The following GPC5 variants were observed in gnomAD, a reference collection of about 807,000 sequenced individuals.
The protein encoded by GPC5 is glypican-5.
In GPC5, 47 loss-of-function variants were observed where a neutral mutation model predicts 53.9. The ratio of observed to expected loss-of-function variants is 0.87; its 90% CI spans 0.69 to 1.11. The LOEUF (loss-of-function observed/expected upper bound fraction) is 1.11. Ranked by LOEUF, GPC5 falls within the 50% of genes most tolerant of loss-of-function variation. The pLI is 0.00. For missense variants in GPC5, 748 were observed against 713.1 expected, an observed-to-expected ratio of 1.05 and a Z score of -0.56; for synonymous variants, 286 against 263.3, an observed-to-expected ratio of 1.09 and a Z score of -0.84.
At chr13:91,980,843 C>T (rs1352331790) in intron 6 of GPC5, among the ~76,000 whole-genome samples, 2 of 152,238 alleles carry the variant, frequency 1.3e-5, no homozygotes, top group African/African-American at 2.4e-5. Context: ...TAAGTGGGAA[C>T]GTAGAGTGTG....
intron 7 of GPC5, among the ~76,000 whole-genome samples, chr13:92,812,200 G>C (rs1877322993): frequency 6.6e-6 from 1 of 151,922 alleles, no homozygotes. Flanking sequence ...GCAGTATTAA[G>C]TGTTCCTGTC....
intron 1 of GPC5, among the ~76,000 whole-genome samples, chr13:91,427,240 A>G (rs117321536): frequency 0.036 from 5,444 of 152,278 alleles, 142 homozygotes; most frequent in Middle Eastern, 0.068. Flanking sequence ...TGGTAGATCC[A>G]CTGACAACTT....
chr13:92,819,458 G>T (rs1020609774), intron 7 of GPC5, among the ~76,000 whole-genome samples: 2 of 152,148 alleles, frequency 1.3e-5, no homozygotes, highest in Non-Finnish European at 2.9e-5. Flanking sequence ...AAATGAAGCT[G>T]TTTGCTAACT....
rs1383354298 is a variant in GPC5, at chr13:91,533,958, T to C, written c.325+85036T>C. Among the ~76,000 whole-genome samples, 3 of 152,314 alleles carry C rather than the reference T, an allele frequency of 2.0e-5. No individual in the cohort carries two copies. In the East Asian group the frequency reaches 5.8e-4, roughly 29 times the overall value. On this transcript the variant is annotated intron_variant, in intron 2 of 7. Coordinates refer to ENST00000377067, the MANE Select transcript of GPC5 (RefSeq NM_004466.6). ...TGGTGCTTTATTATTTTTAATGAAA[T>C]GAGAAGCAGCATTTCTTTTTAGCTG...
intron 1 of GPC5, among the ~76,000 whole-genome samples, chr13:91,409,282 A>T (rs1251460555): frequency 6.6e-6 from 1 of 152,170 alleles, no homozygotes; most frequent in Non-Finnish European, 1.5e-5. Context: ...GTCATTTTTA[A>T]AAAAGGTATT....
chr13:92,126,980 C>A (rs1440164918), intron 6 of GPC5, among the ~76,000 whole-genome samples: 1 of 152,072 alleles, frequency 6.6e-6, no homozygotes. Flanking sequence ...GAGGAATATG[C>A]TTTTCCACTC....
chr13:91,580,774 G>A (rs1343180152), intron 2 of GPC5, among the ~76,000 whole-genome samples: 3 of 152,162 alleles, frequency 2.0e-5, no homozygotes, highest in Admixed American at 2.0e-4. Flanking sequence ...AGCTTGTGAA[G>A]TTCTCTTGGT....
intron 5 of GPC5, among the ~76,000 whole-genome samples, chr13:91,903,060 C>G (rs2039515400): frequency 6.7e-6 from 1 of 150,320 alleles, no homozygotes; most frequent in Admixed American, 6.6e-5. Context: ...CTTAGCACTT[C>G]TGTGTATCCA....
At chr13:92,305,873 G>A (rs941409973) in intron 7 of GPC5, among the ~76,000 whole-genome samples, 31 of 152,278 alleles carry the variant, frequency 2.0e-4, no homozygotes, top group African/African-American at 4.6e-4. Flanking sequence ...GAGATTCAGC[G>A]AAGGATTCAG....
chr13:92,542,505 A>G (rs1344326574), intron 7 of GPC5, among the ~76,000 whole-genome samples: 2 of 151,784 alleles, frequency 1.3e-5, no homozygotes, highest in Non-Finnish European at 2.9e-5. Context: ...TCATCTTTGC[A>G]ATTTGGTGGT....
chr13:92,656,375 T>C (rs1886137411), intron 7 of GPC5, among the ~76,000 whole-genome samples: 1 of 152,098 alleles, frequency 6.6e-6, no homozygotes, highest in South Asian at 2.1e-4. Flanking sequence ...AGGGATTTAA[T>C]TGGGGTAGAG....
At chr13:92,270,069 G>T (rs2042829616) in intron 7 of GPC5, among the ~76,000 whole-genome samples, 1 of 152,158 alleles carries the variant, frequency 6.6e-6, no homozygotes, top group Admixed American at 6.5e-5. Flanking sequence ...GGGTGGTGGG[G>T]AAGGGGAGGC....
intron 7 of GPC5, among the ~76,000 whole-genome samples, chr13:92,711,070 C>G (rs150913837): frequency 2.0e-5 from 3 of 152,216 alleles, no homozygotes; most frequent in African/African-American, 7.2e-5. Context: ...CACTTCTTAA[C>G]AGTGATTTTA....
chr13:92,813,214 C>G (rs1302945448), intron 7 of GPC5, among the ~76,000 whole-genome samples: 2 of 151,870 alleles, frequency 1.3e-5, no homozygotes, highest in African/African-American at 4.9e-5. Flanking sequence ...AACGAGTCTC[C>G]TGATCCATTT....
intron 7 of GPC5, among the ~76,000 whole-genome samples, chr13:92,848,657 CTA>C (rs1254402147): frequency 6.6e-6 from 1 of 151,850 alleles, no homozygotes; most frequent in Non-Finnish European, 1.5e-5. Context: ...GTGTGTGTGT[CTA>C]TATATATCTT....
chr13:92,840,762 TCTTC>T (rs1419418007), intron 7 of GPC5, among the ~76,000 whole-genome samples: 1 of 152,154 alleles, frequency 6.6e-6, no homozygotes, highest in Non-Finnish European at 1.5e-5. Flanking sequence ...TTTATTTGTG[TCTTC>T]CTTAATTTCT....
At chr13:92,642,117 C>T (rs1489666024) in intron 7 of GPC5, among the ~76,000 whole-genome samples, 2 of 152,160 alleles carry the variant, frequency 1.3e-5, no homozygotes, top group African/African-American at 4.8e-5. Flanking sequence ...TATATAACGG[C>T]AATGACACTA....
chr13:92,408,622 A>G (rs1352700889), intron 7 of GPC5, among the ~76,000 whole-genome samples: 1 of 123,628 alleles, frequency 8.1e-6, no homozygotes, highest in Non-Finnish European at 1.7e-5. Context: ...CCTTATATAT[A>G]TATATAGACA....
At chr13:92,533,459 A>C (rs1594283497) in intron 7 of GPC5, among the ~76,000 whole-genome samples, 1 of 152,168 alleles carries the variant, frequency 6.6e-6, no homozygotes, top group African/African-American at 2.4e-5. Flanking sequence ...TATTGTGTCT[A>C]AACATTGTAT....
Sources: gnomAD v4.1 joint callset for allele counts (sites outside exome capture counted in the v4.1 genomes callset) on GRCh38, gnomAD v4.1.1 for gene constraint, MANE v1.5 for transcripts, NCBI Gene and HGNC (gene_info 2026-07-23, HGNC 2026-07-21) for gene names.